CFAP20DC: variants seen among roughly 807,000 people sequenced by gnomAD.
CFAP20DC encodes CFAP20 domain containing.
In CFAP20DC, 84 loss-of-function variants were observed where a neutral mutation model predicts 101.7. That is an observed-to-expected ratio of 0.83 (90% confidence interval 0.69 to 0.99). The LOEUF is 0.99. CFAP20DC is among the 50% of genes least tolerant of loss of function. The pLI, the probability that CFAP20DC is intolerant of heterozygous loss-of-function variation, is 0.00. For missense variants in CFAP20DC, 1,007 were observed against 970.3 expected, an observed-to-expected ratio of 1.04 and a Z score of -0.50; for synonymous variants, 359 against 351.2, an observed-to-expected ratio of 1.02 and a Z score of -0.25.
chr3:58,980,597 A>T (rs1485825813), intron 4 of CFAP20DC, among the ~76,000 whole-genome samples: 1 of 152,242 alleles, frequency 6.6e-6, no homozygotes, highest in Non-Finnish European at 1.5e-5. Context: ...AGAACCAAAG[A>T]CAAAAACCAC....
chr3:58,931,277 A>C (rs545900125), intron 5 of CFAP20DC, among the ~76,000 whole-genome samples: 10 of 152,306 alleles, frequency 6.6e-5, no homozygotes, highest in Non-Finnish European at 1.2e-4. Flanking sequence ...GGAAGCTCGA[A>C]CTGGGTGGAG....
At chr3:59,023,503 C>G (rs891157232) in intron 4 of CFAP20DC, among the ~76,000 whole-genome samples, 1 of 151,958 alleles carries the variant, frequency 6.6e-6, no homozygotes, top group African/African-American at 2.4e-5. Context: ...AAAACTTGAG[C>G]CAAAAGCTGA....
In CFAP20DC at chr3:58,894,130, T is replaced by C. The variant is rs1032745981; in HGVS notation, c.551-9421A>G. Reference sequence around the variant, plus strand: ...AACACGTGGGAATTCAAGATGAGACTTGGGTGAGGACACAGCCAAACCATA... The same window carrying C: ...AACACGTGGGAATTCAAGATGAGACCTGGGTGAGGACACAGCCAAACCATA... On this transcript the variant is annotated intron_variant, in intron 6 of 16. Coordinates refer to ENST00000482387, the MANE Select transcript of CFAP20DC (RefSeq NM_001394063.1). The surrounding 1 kb of genome is among the most constrained non-coding windows in gnomAD (Gnocchi z 4.1). 5.3e-5 allele frequency among the ~76,000 whole-genome samples: 8 copies of C among 152,136 alleles called. No homozygotes were observed. The highest frequency in any genetic ancestry group is 1.9e-4 in the African/African-American group (8 of 41,436).
chr3:58,806,322 A>C, intron 15 of CFAP20DC, 73 bp downstream of exon 15: 4 of 1,066,910 alleles, frequency 3.7e-6, no homozygotes, highest in Non-Finnish European at 5.7e-6. Flanking sequence ...CAATTTCAGA[A>C]AACCAAGAAA....
At chr3:58,720,000 C>T (rs1410317145) in intron 3 of CFAP20DC, among the ~76,000 whole-genome samples, 1 of 152,230 alleles carries the variant, frequency 6.6e-6, no homozygotes, top group African/African-American at 2.4e-5. Flanking sequence ...TAAATGTCTC[C>T]TTGGAGGGGC....
chr3:58,896,667 T>C (rs1395236713), intron 6 of CFAP20DC, among the ~76,000 whole-genome samples: 2 of 152,228 alleles, frequency 1.3e-5, no homozygotes. Context: ...GATCCGGTTG[T>C]TCAATTTCCA....
chr3:58,841,262 T>C lies in CFAP20DC; in HGVS notation c.1971+7770A>G, dbSNP rs188066168. 1.0e-3 allele frequency among the ~76,000 whole-genome samples: 159 copies of C among 152,340 alleles called. 2 individuals carry two copies. The highest frequency in any genetic ancestry group is 1.8e-4 in the Non-Finnish European group (12 of 68,038). The stretch of plus-strand genomic sequence containing the variant: ...GAGAGAAGGGTCAGAAAGACATTTA[T>C]GGATTCTTCAAACAATGGGGTATTG... On this transcript the variant is annotated intron_variant, in intron 13 of 16. Transcript: ENST00000482387.
At chr3:58,980,166 G>A (rs949231678) in intron 4 of CFAP20DC, among the ~76,000 whole-genome samples, 4 of 152,072 alleles carry the variant, frequency 2.6e-5, no homozygotes, top group Admixed American at 6.6e-5. Context: ...TCCCACTACC[G>A]AGCTTGATAG....
intron 4 of CFAP20DC, among the ~76,000 whole-genome samples, chr3:58,994,953 G>A (rs1402815573): frequency 1.3e-5 from 2 of 152,152 alleles, no homozygotes; most frequent in African/African-American, 4.8e-5. Context: ...GGTACTATTC[G>A]TTAAGGTTAC....
At chr3:58,878,094 A>G (rs1271480510) in intron 7 of CFAP20DC, among the ~76,000 whole-genome samples, 2 of 152,214 alleles carry the variant, frequency 1.3e-5, no homozygotes, top group South Asian at 2.1e-4. Flanking sequence ...TATTTTAATT[A>G]AAAACTTTCT....
intron 7 of CFAP20DC, among the ~76,000 whole-genome samples, chr3:58,878,473 G>A (rs2080942699): frequency 1.3e-5 from 2 of 152,008 alleles, no homozygotes; most frequent in South Asian, 2.1e-4. Flanking sequence ...GTCAGAATTA[G>A]CCTACTTTTT....
At chr3:58,760,923 T>C (rs988650553) in intron 15 of CFAP20DC, among the ~76,000 whole-genome samples, 1 of 152,218 alleles carries the variant, frequency 6.6e-6, no homozygotes, top group African/African-American at 2.4e-5. Context: ...GATGTGTTGC[T>C]GGATTTGCTT....
In CFAP20DC at chr3:59,001,593, T is replaced by G. The variant is rs1020873305; in HGVS notation, c.278+37964A>C. On this transcript the variant is annotated intron_variant, in intron 4 of 16. Transcript: ENST00000482387. This position sits in a 1 kb window ranked among gnomAD's most constrained non-coding sequence, Gnocchi z 4.5. ...CGCCCAGCTAATTTTGTATTTTTAG[T>G]AGAGATGGGGTTTCTCCATGTTGGT... 6.6e-6 allele frequency among the ~76,000 whole-genome samples: 1 copy of G among 152,202 alleles called. No homozygotes were observed. Among genetic ancestry groups the G allele is most frequent in the Non-Finnish European group, 1.5e-5 (1 of 68,028 alleles).
chr3:58,830,479 T>C (rs1210533097), intron 14 of CFAP20DC, among the ~76,000 whole-genome samples: 2 of 152,096 alleles, frequency 1.3e-5, no homozygotes, highest in African/African-American at 2.4e-5. Context: ...CTAGATAACA[T>C]GTAAGGCATT....
chr3:58,739,865 C>G (rs970416616), downstream of CFAP20DC, among the ~76,000 whole-genome samples: 2 of 152,148 alleles, frequency 1.3e-5, no homozygotes, highest in African/African-American at 4.8e-5. Flanking sequence ...TTTTTCAACT[C>G]TTCTGTAGAA....
chr3:58,779,244 G>C (rs919883012), intron 15 of CFAP20DC, among the ~76,000 whole-genome samples: 1 of 152,096 alleles, frequency 6.6e-6, no homozygotes, highest in Non-Finnish European at 1.5e-5. Context: ...CAGGATATGA[G>C]TGAGAAATTT....
At chr3:58,955,279 G>C (rs1185009590) in intron 4 of CFAP20DC, among the ~76,000 whole-genome samples, 1 of 152,088 alleles carries the variant, frequency 6.6e-6, no homozygotes, top group Non-Finnish European at 1.5e-5. Flanking sequence ...ACAGTACCTG[G>C]TTTTAACTTC....
At position 58,732,812 on chromosome 3, in the gene CFAP20DC, T is replaced by C. The variant is rs572154546; in HGVS notation, c.198-15184A>G. On this transcript the variant is annotated intron_variant, in intron 3 of 3. Transcript: ENST00000486145. This position sits in a 1 kb window ranked among gnomAD's most constrained non-coding sequence, Gnocchi z 5.4. Reference sequence around the variant, plus strand: ...TGGAAAACCATGGTTTTGAAGACACTGGTATGTCTTTGGTGAAATGTTCTA... The same window carrying C: ...TGGAAAACCATGGTTTTGAAGACACCGGTATGTCTTTGGTGAAATGTTCTA... 3.9e-5 allele frequency among the ~76,000 whole-genome samples: 6 copies of C among 152,338 alleles called. No homozygotes were observed. Among genetic ancestry groups the C allele is most frequent in the African/African-American group, 1.4e-4 (6 of 41,568 alleles).
At chr3:59,013,572 T>C (rs539358176) in intron 4 of CFAP20DC, among the ~76,000 whole-genome samples, 3 of 152,290 alleles carry the variant, frequency 2.0e-5, no homozygotes, top group Admixed American at 1.3e-4. Context: ...CTATTACATA[T>C]ATCAATACCA....
Sources: gnomAD v4.1 joint callset for allele counts (sites outside exome capture counted in the v4.1 genomes callset) on GRCh38, gnomAD v4.1.1 for gene constraint, Gnocchi (gnomAD v3.1) non-coding constraint, MANE v1.5 for transcripts, NCBI Gene and HGNC (gene_info 2026-07-23, HGNC 2026-07-21) for gene names.